Variants in DPPA4 observed in about 807,000 individuals in gnomAD.
The protein encoded by DPPA4 is developmental pluripotency-associated protein 4.
Under a neutral mutation model 33.7 loss-of-function variants are expected in DPPA4, and 22 were observed. The ratio of observed to expected loss-of-function variants is 0.65; its 90% CI spans 0.47 to 0.93. The LOEUF (loss-of-function observed/expected upper bound fraction) is 0.93, where lower values mean the gene tolerates loss of function less well. Ranked by LOEUF, DPPA4 falls within the 40% of genes least tolerant of loss-of-function variation. DPPA4 has a pLI of 0.00. For synonymous variants in DPPA4, 156 were observed against 132.3 expected, an observed-to-expected ratio of 1.18 and a Z score of -1.23; for missense variants, 340 against 358.6, an observed-to-expected ratio of 0.95 and a Z score of 0.42.
At chr3:109,332,820 C>A (rs1429510754) in intron 2 of DPPA4, among the ~76,000 whole-genome samples, 2 of 152,172 alleles carry the variant, frequency 1.3e-5, no homozygotes, top group Admixed American at 6.5e-5. Flanking sequence ...TGGCTGGGCG[C>A]AGTGGCTCAC....
At chr3:109,332,920 C>T (rs1408646710) in intron 2 of DPPA4, among the ~76,000 whole-genome samples, 1 of 151,986 alleles carries the variant, frequency 6.6e-6, no homozygotes, top group Non-Finnish European at 1.5e-5. Context: ...GGTGAAACGC[C>T]GTCTCTACTT....
chr3:109,327,942 C>T lies in DPPA4; in HGVS notation c.*46G>A, dbSNP rs1161063439. 2 of 1,404,482 alleles carry T rather than the reference C, an allele frequency of 1.4e-6. No homozygotes were observed. Among genetic ancestry groups the T allele is most frequent in the Non-Finnish European group, 2.0e-6 (2 of 993,302 alleles). 87.0% of individuals were successfully genotyped at this position (1,404,482 alleles called of 1,614,324 possible). ...AGCACCGCAGAATCCAACTCTCCAGCTTTTCTGCCATTAATTACCATAGAT... is the reference window on the plus strand; with the variant it reads ...AGCACCGCAGAATCCAACTCTCCAGTTTTTCTGCCATTAATTACCATAGAT... On this transcript the variant is annotated 3_prime_UTR_variant, in exon 7 of 7. Transcript: ENST00000335658.
At position 109,331,881 on chromosome 3, in the gene DPPA4, G is replaced by T. The variant is rs866863841; in HGVS notation, c.329C>A (p.Ser110Tyr). The change falls in exon 3 of 7, where the codon TCC (serine) becomes TAC (tyrosine). Residue 110 changes from serine to tyrosine, a missense_variant. By Grantham distance (144) the Ser-to-Tyr change is moderately radical. Coordinates refer to ENST00000335658, the MANE Select transcript of DPPA4 (RefSeq NM_018189.4). ...AGCCTGGGACCTCACCTGGCCTTTG[G>T]AGCTCAGCTTCAATTGTTGGCACCA... ...RAWCQQLKLS[S>Y]KGQKLDAYKR... The T allele has an allele frequency of 4.3e-6, 7 of 1,614,094 alleles. No homozygotes were observed. Among genetic ancestry groups the T allele is most frequent in the Non-Finnish European group, 5.9e-6 (7 of 1,180,012 alleles).
At chr3:109,335,137 C>T (rs2930073) in intron 1 of DPPA4, among the ~76,000 whole-genome samples, 121,491 of 152,200 alleles carry the variant, frequency 0.8, 49,192 homozygotes, top group East Asian at 1. Flanking sequence ...ATATGCTCCT[C>T]ACTTTCATTT....
At chr3:109,333,771 CA>C in intron 2 of DPPA4, 98 bp downstream of exon 2, 1 of 1,428,680 alleles carries the variant, frequency 7.0e-7, no homozygotes, top group East Asian at 2.3e-5. Flanking sequence ...TTGCACAATA[CA>C]TGATGGAAAT....
intron 2 of DPPA4, 143 bp downstream of exon 2, chr3:109,333,725 TAA>T: frequency 1.1e-6 from 1 of 910,916 alleles, no homozygotes; most frequent in Non-Finnish European, 1.7e-6. Flanking sequence ...TTCAGGAAGG[TAA>T]CAGTTTAAGC....
At chr3:109,338,541 GT>G (rs1008917785), upstream of DPPA4, among the ~76,000 whole-genome samples, 9 of 151,610 alleles carry the variant, frequency 5.9e-5, no homozygotes, top group South Asian at 6.3e-4. Context: ...TTACTTTGTT[GT>G]TTTTTTTTCC....
In DPPA4 at chr3:109,333,849, GA is replaced by G. The variant is rs774035085; in HGVS notation, c.178+20del. 82 of 1,610,084 alleles carry G rather than the reference GA, an allele frequency of 5.1e-5. No homozygotes were observed. The highest frequency in any genetic ancestry group is 2.0e-4 in the Admixed American group (12 of 59,236). ...TCTAAGACCCGAGAAGGTGGGATTT[GA>G]GAATTTGAAGACCTCTTACCTTTAC... is the stretch of plus-strand genomic sequence containing the variant. On this transcript the variant is annotated intron_variant, in intron 2 of 6. Transcript: ENST00000335658.
Position 109,327,389 on chromosome 3 carries a change from A to C in DPPA4, c.*599T>G, listed in dbSNP as rs928572541. On this transcript the variant is annotated 3_prime_UTR_variant, in exon 7 of 7. Transcript: ENST00000335658. ...AGAACTCACTTAAAAGAGCTGTTGA[A>C]GGTCAGGCGCAGGGGCTCATGCCCA... 10 of 152,254 alleles carry C rather than the reference A, an allele frequency of 6.6e-5. No individual in the cohort carries two copies. Among genetic ancestry groups the C allele is most frequent in the African/African-American group, 2.4e-4 (10 of 41,454 alleles). 9.4% of individuals were successfully genotyped at this position (152,254 alleles called of 1,614,324 possible). A position where few individuals can be genotyped will look rare whatever the true frequency, so the allele number is the denominator to read the frequency against.
rs1707972362 is a variant in DPPA4, at chr3:109,327,885, C to T, written c.*103G>A. The T allele has an allele frequency of 2.4e-6, 2 of 848,082 alleles. No individual in the cohort carries two copies. The highest frequency in any genetic ancestry group is 3.4e-5 in the African/African-American group (2 of 58,928). 52.5% of individuals were successfully genotyped at this position (848,082 alleles called of 1,614,324 possible). ...CCCACCAGTCTGCATGGCCCATAAA[C>T]AGGTGCAGAGGACCAGAGTTCACCT... is the stretch of plus-strand genomic sequence containing the variant. On this transcript the variant is annotated 3_prime_UTR_variant, in exon 7 of 7. Coordinates refer to ENST00000335658, the MANE Select transcript of DPPA4 (RefSeq NM_018189.4).
At chr3:109,336,138 T>C (rs540903354) in intron 1 of DPPA4, among the ~76,000 whole-genome samples, 1 of 151,082 alleles carries the variant, frequency 6.6e-6, no homozygotes, top group South Asian at 2.1e-4. Context: ...GGCGACAGAG[T>C]CAAACTCATT....
At chr3:109,337,794 C>A (rs1235397343), upstream of DPPA4, among the ~76,000 whole-genome samples, 1 of 152,014 alleles carries the variant, frequency 6.6e-6, no homozygotes, top group Admixed American at 6.6e-5. Context: ...AGATTGAGCA[C>A]TCCTTCAGAA....
intron 5 of DPPA4, 117 bp from the exon 6 acceptor site, chr3:109,329,205 TC>T: frequency 1.1e-6 from 1 of 875,954 alleles, no homozygotes; most frequent in Non-Finnish European, 1.8e-6. Flanking sequence ...AACCCTGAAA[TC>T]CTAACTTAAC....
At chr3:109,337,859 G>A (rs1359444275), upstream of DPPA4, among the ~76,000 whole-genome samples, 1 of 152,300 alleles carries the variant, frequency 6.6e-6, no homozygotes, top group Non-Finnish European at 1.5e-5. Flanking sequence ...AGTGGCCAGA[G>A]ACTTGAGCAG....
intron 1 of DPPA4, among the ~76,000 whole-genome samples, chr3:109,334,476 G>C (rs1333308115): frequency 6.6e-6 from 1 of 152,022 alleles, no homozygotes; most frequent in Non-Finnish European, 1.5e-5. Flanking sequence ...GAGCCAGGGA[G>C]GTAGGTAGAG....
At chr3:109,339,545 C>G (rs995589531), upstream of DPPA4, among the ~76,000 whole-genome samples, 9 of 151,924 alleles carry the variant, frequency 5.9e-5, no homozygotes, top group African/African-American at 1.9e-4. Context: ...ATCGCTTGAG[C>G]TCATGAGTTC....
At chr3:109,328,598 GTT>G (rs1351066777) in intron 6 of DPPA4, among the ~76,000 whole-genome samples, 18 of 152,100 alleles carry the variant, frequency 1.2e-4, no homozygotes, top group African/African-American at 4.1e-4. Flanking sequence ...AAAGGAAGAG[GTT>G]TTTTGCTAGT....
Position 109,333,498 on chromosome 3 carries a change from A to C in DPPA4, c.178+372T>G, listed in dbSNP as rs1488371035. ...TTTAACACTCCATTCCCACCGCTTA[A>C]TAAAGGTAGATATTGTCCTAACTTA... On this transcript the variant is annotated intron_variant, in intron 2 of 6. Transcript: ENST00000335658. 5 of 206,868 alleles carry C rather than the reference A, an allele frequency of 2.4e-5. No individual in the cohort carries two copies. In the East Asian group the frequency reaches 5.6e-4, roughly 23 times the overall value. 12.8% of individuals were successfully genotyped at this position (206,868 alleles called of 1,614,324 possible). A position where few individuals can be genotyped will look rare whatever the true frequency, so the allele number is the denominator to read the frequency against.
chr3:109,337,590 CT>C, upstream of DPPA4: 2 of 1,338,234 alleles, frequency 1.5e-6, no homozygotes, highest in Non-Finnish European at 2.2e-6. Flanking sequence ...CCCGAAGACC[CT>C]TTTTCTCTCC....
Sources: gnomAD v4.1 joint callset for allele counts (sites outside exome capture counted in the v4.1 genomes callset) on GRCh38, gnomAD v4.1.1 for gene constraint, MANE v1.5 for transcripts, NCBI Gene and HGNC (gene_info 2026-07-23, HGNC 2026-07-21) for gene names.